Variants in FERMT2 observed in about 807,000 individuals in gnomAD.
FERMT2 encodes the protein fermitin family homolog 2.
Under a neutral mutation model 82.7 loss-of-function variants are expected in FERMT2, and 15 were observed. The observed-to-expected ratio is 0.18, with a 90% CI of 0.12 to 0.28. The LOEUF (loss-of-function observed/expected upper bound fraction) is 0.28, where lower values mean the gene tolerates loss of function less well. FERMT2 is among the 10% of genes least tolerant of loss of function. The pLI is 1.00. For synonymous variants in FERMT2, 274 were observed against 271.5 expected (o/e 1.01, Z -0.09); for missense variants, 645 against 809.4 (o/e 0.80, Z 2.46).
At chr14:52,937,596 T>C (rs976912674) in intron 2 of FERMT2, among the ~76,000 whole-genome samples, 10 of 152,350 alleles carry the variant, frequency 6.6e-5, no homozygotes, top group African/African-American at 2.2e-4. Context: ...TGTTTCACTT[T>C]GTTACTAGCA....
At chr14:52,909,474 T>C (rs1177093067) in intron 3 of FERMT2, among the ~76,000 whole-genome samples, 1 of 152,194 alleles carries the variant, frequency 6.6e-6, no homozygotes, top group Non-Finnish European at 1.5e-5. Context: ...AAGGCTCTTA[T>C]TAGTTTAAGG....
chr14:52,945,646 G>A (rs1028487981), intron 2 of FERMT2, among the ~76,000 whole-genome samples: 9 of 152,080 alleles, frequency 5.9e-5, no homozygotes, highest in Non-Finnish European at 1.3e-4. Flanking sequence ...TAGATTGTGT[G>A]ACTTGATCTA....
chr14:52,883,240 T>C (rs901437097), intron 4 of FERMT2, among the ~76,000 whole-genome samples: 11 of 152,208 alleles, frequency 7.2e-5, no homozygotes, highest in Admixed American at 1.3e-4. Flanking sequence ...GTGAACTCTT[T>C]ATCAGCATTT....
At chr14:52,877,218 G>A (rs111531593) in intron 7 of FERMT2, among the ~76,000 whole-genome samples, 7 of 152,214 alleles carry the variant, frequency 4.6e-5, no homozygotes, top group South Asian at 2.1e-4. Flanking sequence ...CAAAAATAAA[G>A]CAACAGTATA....
chr14:52,868,453 T>C (rs1481007941), intron 10 of FERMT2, among the ~76,000 whole-genome samples: 1 of 152,146 alleles, frequency 6.6e-6, no homozygotes, highest in Non-Finnish European at 1.5e-5. Context: ...ATTACCCCAA[T>C]TGTAATTTTA....
intron 9 of FERMT2, 85 bp downstream of exon 9, chr14:52,874,092 A>C: frequency 2.3e-6 from 2 of 854,004 alleles, no homozygotes; most frequent in Non-Finnish European, 3.6e-6. Context: ...TTGTTAGTCA[A>C]ACTTAACAGT....
chr14:52,897,596 C>T (rs1312450761), intron 3 of FERMT2, among the ~76,000 whole-genome samples: 1 of 152,020 alleles, frequency 6.6e-6, no homozygotes, highest in African/African-American at 2.4e-5. Context: ...AAACATTGTC[C>T]ATGTTTAAAT....
chr14:52,869,850 T>G (rs1885507924), intron 10 of FERMT2, among the ~76,000 whole-genome samples: 1 of 152,098 alleles, frequency 6.6e-6, no homozygotes, highest in Admixed American at 6.6e-5. Context: ...GACCTTCCAG[T>G]GAGACAGGAT....
intron 3 of FERMT2, among the ~76,000 whole-genome samples, chr14:52,910,309 G>A (rs552730081): frequency 3.9e-5 from 6 of 152,240 alleles, no homozygotes; most frequent in Non-Finnish European, 5.9e-5. Context: ...GAATGAATTA[G>A]CATGTATCTA....
chr14:52,890,476 GAC>G (rs1886878256), intron 4 of FERMT2, among the ~76,000 whole-genome samples: 1 of 150,614 alleles, frequency 6.6e-6, no homozygotes, highest in Non-Finnish European at 1.5e-5. Context: ...AAAAAAAGAA[GAC>G]AGTATTTTAA....
At chr14:52,872,321 T>C (rs1175533711) in intron 10 of FERMT2, 2 of 155,176 alleles carry the variant, frequency 1.3e-5, no homozygotes, top group Non-Finnish European at 2.8e-5. Context: ...TTTGGGAGGC[T>C]AAGGTGGGCA....
At chr14:52,880,349 T>C (rs1193246899) in intron 6 of FERMT2, among the ~76,000 whole-genome samples, 1 of 152,238 alleles carries the variant, frequency 6.6e-6, no homozygotes, top group Non-Finnish European at 1.5e-5. Context: ...AACTTTTATT[T>C]AAATATAGTT....
intron 2 of FERMT2, among the ~76,000 whole-genome samples, chr14:52,922,132 G>T (rs1423594639): frequency 6.6e-6 from 1 of 152,206 alleles, no homozygotes; most frequent in Non-Finnish European, 1.5e-5. Flanking sequence ...AAAGTGAGAT[G>T]GGGAGAAAAG....
In FERMT2 at chr14:52,881,099, C is replaced by T. The variant is rs1396776802; in HGVS notation, c.792G>A (p.Val264=). The change falls in exon 6 of 15, where the codon GTG becomes GTA. Residue 264 remains valine (V), a synonymous_variant. Transcript: ENST00000341590. ...GGAGCAGCAAGGCCTCATTTTCCTT[C>T]ACATCTTGTTCCATGAGAGATCTTG... The part of the protein sequence containing the change: ...DSSRSLMEQD[V]KENEALLLRF... 1.2e-6 allele frequency: 2 copies of T among 1,613,682 alleles called. No homozygotes were observed.
Position 52,881,106 on chromosome 14 carries a change from T to A in FERMT2, c.785A>T (p.Gln262Leu). ...CAAGGCCTCATTTTCCTTCACATCT[T>A]GTTCCATGAGAGATCTTGAGGAATC... ...WLDSSRSLME[Q>L]DVKENEALLL... Residue 262 changes from glutamine (Q) to leucine (L), a missense_variant, in exon 6 of 15, where the codon CAA becomes CTA. By Grantham distance (113) the Gln-to-Leu change is moderately radical. Transcript: ENST00000341590. 1 of 1,613,772 alleles carries A rather than the reference T, an allele frequency of 6.2e-7. No homozygotes were observed. The highest frequency in any genetic ancestry group is 1.1e-5 in the South Asian group (1 of 91,010).
chr14:52,864,245 G>A (rs1181878111), intron 12 of FERMT2, among the ~76,000 whole-genome samples, 156 bp downstream of exon 12: 1 of 152,078 alleles, frequency 6.6e-6, no homozygotes, highest in African/African-American at 2.4e-5. Flanking sequence ...GGATTTCAGA[G>A]GTTCAGATTA....
intron 4 of FERMT2, among the ~76,000 whole-genome samples, chr14:52,886,283 GAGAGAGAGAC>G (rs1163313111): frequency 7.2e-6 from 1 of 139,164 alleles, no homozygotes; most frequent in Non-Finnish European, 1.6e-5. Context: ...GGGAGAGAGA[GAGAGAGAGAC>G]AGACAGAGTG....
intron 2 of FERMT2, among the ~76,000 whole-genome samples, chr14:52,942,171 T>C (rs1890115018): frequency 6.6e-6 from 1 of 151,850 alleles, no homozygotes; most frequent in Admixed American, 6.6e-5. Flanking sequence ...AGAGACTCAA[T>C]GCCACAGAGA....
intron 4 of FERMT2, among the ~76,000 whole-genome samples, chr14:52,883,084 C>T (rs938228983): frequency 5.9e-5 from 9 of 151,972 alleles, no homozygotes; most frequent in African/African-American, 2.2e-4. Flanking sequence ...ATTCGGGAGG[C>T]GAAGGCTGCA....
Sources: gnomAD v4.1 joint callset for allele counts (sites outside exome capture counted in the v4.1 genomes callset) on GRCh38, gnomAD v4.1.1 for gene constraint, MANE v1.5 for transcripts, NCBI Gene and HGNC (gene_info 2026-07-23, HGNC 2026-07-21) for gene names.